The following CCDC3 variants were observed in gnomAD, a reference collection of about 807,000 sequenced individuals.
The protein encoded by CCDC3 is coiled-coil domain containing 3, also known as coiled-coil domain-containing protein 3.
Under a neutral mutation model 21.4 loss-of-function variants are expected in CCDC3, and 24 were observed. That is an observed-to-expected ratio of 1.12 (90% CI 0.81 to 1.58). The LOEUF is 1.58. CCDC3 is among the 40% of genes most tolerant of loss of function. The pLI is 0.00. For missense variants in CCDC3, 425 were observed against 360.9 expected (o/e 1.18, Z -1.44); for synonymous variants, 186 against 166.0 (o/e 1.12, Z -0.93).
intron 5 of CCDC3, among the ~76,000 whole-genome samples, chr10:13,025,910 G>A (rs989999435): frequency 2.0e-5 from 3 of 152,152 alleles, no homozygotes; most frequent in African/African-American, 7.2e-5. Flanking sequence ...CCCGGGCATG[G>A]TGGCTCACGC....
At chr10:13,092,527 C>T (rs1832583650) in intron 3 of CCDC3, among the ~76,000 whole-genome samples, 1 of 152,162 alleles carries the variant, frequency 6.6e-6, no homozygotes, top group Non-Finnish European at 1.5e-5. Flanking sequence ...TTTCTTTCTG[C>T]CTCCCTTGGG....
chr10:13,046,642 G>A (rs1164253048), intron 5 of CCDC3, among the ~76,000 whole-genome samples: 2 of 151,496 alleles, frequency 1.3e-5, no homozygotes, highest in African/African-American at 2.4e-5. Context: ...GGGAGGCGGA[G>A]GTTGCAGTAA....
chr10:13,036,938 C>A (rs958852531), intron 5 of CCDC3, among the ~76,000 whole-genome samples: 3 of 151,954 alleles, frequency 2.0e-5, no homozygotes, highest in Non-Finnish European at 2.9e-5. Flanking sequence ...CACCACCATG[C>A]CCAGCTGATT....
intron 2 of CCDC3, among the ~76,000 whole-genome samples, chr10:12,996,810 T>C (rs1358861444): frequency 6.6e-6 from 1 of 152,110 alleles, no homozygotes; most frequent in Admixed American, 6.6e-5. Flanking sequence ...GCCATTATCC[T>C]AAGCAAATGA....
intron 4 of CCDC3, among the ~76,000 whole-genome samples, chr10:13,054,907 T>C (rs1018912796): frequency 1.3e-5 from 2 of 152,210 alleles, no homozygotes; most frequent in Non-Finnish European, 2.9e-5. Context: ...CCTCAGGTGA[T>C]TGACCCGCCT....
intron 2 of CCDC3, among the ~76,000 whole-genome samples, chr10:12,994,413 C>A (rs59748063): frequency 0.064 from 7,918 of 124,312 alleles, 819 homozygotes; most frequent in African/African-American, 0.22. Context: ...CAAAACAAAA[C>A]AAAAAAAAAA....
intron 2 of CCDC3, among the ~76,000 whole-genome samples, chr10:12,951,685 G>T (rs554550469): frequency 1.3e-5 from 2 of 149,780 alleles, no homozygotes; most frequent in Non-Finnish European, 3.0e-5. Context: ...TGCGCCTGTA[G>T]TCCCAGTTAC....
chr10:13,095,019 C>A (rs148337182), intron 3 of CCDC3, among the ~76,000 whole-genome samples: 1 of 152,240 alleles, frequency 6.6e-6, no homozygotes, highest in Non-Finnish European at 1.5e-5. Context: ...GAGCCTCATT[C>A]TGATGGAGGC....
At chr10:12,987,822 T>C (rs576003007) in intron 2 of CCDC3, among the ~76,000 whole-genome samples, 57 of 152,284 alleles carry the variant, frequency 3.7e-4, no homozygotes, top group African/African-American at 1.3e-3. Flanking sequence ...AAAGACAAAT[T>C]GGAAGAACAC....
chr10:12,923,533 G>C (rs1834487051), intron 2 of CCDC3, among the ~76,000 whole-genome samples: 1 of 152,050 alleles, frequency 6.6e-6, no homozygotes, highest in East Asian at 1.9e-4. Flanking sequence ...CACCACCTCT[G>C]GCCTCCTATG....
chr10:12,936,273 C>G (rs1834736477), intron 2 of CCDC3, among the ~76,000 whole-genome samples: 1 of 151,926 alleles, frequency 6.6e-6, no homozygotes, highest in Non-Finnish European at 1.5e-5. Flanking sequence ...ATTTTTTTCT[C>G]CTCTATTCTT....
intron 2 of CCDC3, among the ~76,000 whole-genome samples, chr10:12,988,376 C>T (rs1188213888): frequency 1.3e-5 from 2 of 152,024 alleles, no homozygotes; most frequent in African/African-American, 2.4e-5. Context: ...GACAGAGTCT[C>T]GTTCTTGTCG....
intron 3 of CCDC3, among the ~76,000 whole-genome samples, chr10:13,074,617 A>G (rs1031954211): frequency 6.6e-6 from 1 of 151,546 alleles, no homozygotes; most frequent in Non-Finnish European, 1.5e-5. Flanking sequence ...TTTTTCTACA[A>G]TACTTTCTCC....
rs140826092 is a variant in CCDC3, at chr10:12,930,764, T to C, written c.550-32085A>G. On this transcript the variant is annotated intron_variant, in intron 2 of 2. Coordinates refer to ENST00000378825, the MANE Select transcript of CCDC3 (RefSeq NM_031455.4). ...AACCATCCCACAATGGATTGGATAG[T>C]CTCCCACAACAAAGAATCACCCACT... Among the ~76,000 whole-genome samples the C allele has an allele frequency of 1.6e-3, 250 of 152,148 alleles. 3 individuals carry two copies. Among genetic ancestry groups the C allele is most frequent in the African/African-American group, 5.5e-3 (228 of 41,494 alleles).
At chr10:12,927,001 G>T (rs1411935409) in intron 2 of CCDC3, among the ~76,000 whole-genome samples, 2 of 152,088 alleles carry the variant, frequency 1.3e-5, no homozygotes, top group African/African-American at 2.4e-5. Flanking sequence ...GAAAAAAAGG[G>T]ATGTTAACAT....
intron 2 of CCDC3, among the ~76,000 whole-genome samples, chr10:12,922,279 G>A (rs1016369820): frequency 4.6e-5 from 7 of 152,064 alleles, no homozygotes; most frequent in Non-Finnish European, 1.0e-4. Flanking sequence ...CAAGTTACCC[G>A]CACTCGGACG....
At chr10:12,932,373 C>T (rs1834659655) in intron 2 of CCDC3, among the ~76,000 whole-genome samples, 1 of 152,142 alleles carries the variant, frequency 6.6e-6, no homozygotes, top group Non-Finnish European at 1.5e-5. Context: ...AATAATCTAA[C>T]ACAAAGCCTA....
In CCDC3 at chr10:13,058,856, C is replaced by T. The variant is rs549706293; in HGVS notation, c.-269-8915G>A. Among the ~76,000 whole-genome samples, 3 of 152,254 alleles carry T rather than the reference C, an allele frequency of 2.0e-5. No individual in the cohort carries two copies. In the East Asian group the frequency reaches 5.8e-4, roughly 29 times the overall value. ...CACAGCTGGGTGGCTGAGGAAGTCC[C>T]GCAGCTAATTAATAGCCATTATCAT... On this transcript the variant is annotated intron_variant, in intron 4 of 6. Coordinates refer to the CCDC3 transcript ENST00000378839.
At chr10:13,013,403 C>G (rs1164687854) in intron 5 of CCDC3, among the ~76,000 whole-genome samples, 2 of 152,136 alleles carry the variant, frequency 1.3e-5, no homozygotes, top group African/African-American at 4.8e-5. Flanking sequence ...AAGGGGCTCC[C>G]AGTGATGTGT....
Sources: gnomAD v4.1 joint callset for allele counts (sites outside exome capture counted in the v4.1 genomes callset) on GRCh38, gnomAD v4.1.1 for gene constraint, MANE v1.5 for transcripts, NCBI Gene and HGNC (gene_info 2026-07-23, HGNC 2026-07-21) for gene names.